SCFD2: variants seen among roughly 807,000 people sequenced by gnomAD.
The protein encoded by SCFD2 is sec1 family domain containing 2.
SCFD2 carries 54 observed loss-of-function variants against 58.9 expected under a neutral mutation model. The observed-to-expected ratio is 0.92, with a 90% CI of 0.74 to 1.15. The LOEUF (loss-of-function observed/expected upper bound fraction) is 1.15, where lower values mean the gene tolerates loss of function less well. SCFD2 is among the 50% of genes most tolerant of loss of function. SCFD2 has a pLI of 0.00. For synonymous variants in SCFD2, 321 were observed against 335.9 expected, an observed-to-expected ratio of 0.96 and a Z score of 0.49; for missense variants, 805 against 836.6, an observed-to-expected ratio of 0.96 and a Z score of 0.47.
chr4:52,978,013 C>T (rs886397211), intron 5 of SCFD2, among the ~76,000 whole-genome samples: 1 of 152,188 alleles, frequency 6.6e-6, no homozygotes, highest in African/African-American at 2.4e-5. Context: ...AACAGCTCCA[C>T]AGAACAGAGA....
At chr4:53,290,637 A>G (rs1731810039) in intron 3 of SCFD2, among the ~76,000 whole-genome samples, 1 of 152,042 alleles carries the variant, frequency 6.6e-6, no homozygotes, top group South Asian at 2.1e-4. Flanking sequence ...TAAATACAGA[A>G]GAGAAAAACC....
At chr4:53,178,494 TC>T (rs1455722967) in intron 4 of SCFD2, among the ~76,000 whole-genome samples, 1 of 151,880 alleles carries the variant, frequency 6.6e-6, no homozygotes, top group Non-Finnish European at 1.5e-5. Flanking sequence ...CAAAAACCCA[TC>T]TGTACATCAC....
chr4:53,352,145 A>T (rs1734239571), intron 2 of SCFD2, among the ~76,000 whole-genome samples: 1 of 152,224 alleles, frequency 6.6e-6, no homozygotes, highest in Non-Finnish European at 1.5e-5. Context: ...TGTGAAAAAA[A>T]ATATACTTAG....
intron 2 of SCFD2, among the ~76,000 whole-genome samples, chr4:53,339,445 C>T (rs1733792392): frequency 6.6e-6 from 1 of 151,474 alleles, no homozygotes; most frequent in Non-Finnish European, 1.5e-5. Context: ...AGTGTAACTA[C>T]TGAAAAAACA....
chr4:52,963,490 T>C (rs1363981698), intron 5 of SCFD2, among the ~76,000 whole-genome samples: 1 of 152,218 alleles, frequency 6.6e-6, no homozygotes, highest in Admixed American at 6.5e-5. Flanking sequence ...AGAGTACCAA[T>C]GTCTGTAAAG....
intron 2 of SCFD2, among the ~76,000 whole-genome samples, chr4:53,330,728 C>T (rs1255410765): frequency 6.6e-6 from 1 of 151,952 alleles, no homozygotes; most frequent in Non-Finnish European, 1.5e-5. Flanking sequence ...ATGACAGGAT[C>T]AAATTCACAC....
intron 4 of SCFD2, among the ~76,000 whole-genome samples, chr4:53,230,482 T>C (rs1729399463): frequency 6.6e-6 from 1 of 152,012 alleles, no homozygotes; most frequent in Non-Finnish European, 1.5e-5. Flanking sequence ...GGGACATGGA[T>C]GAAGCTGGAA....
intron 3 of SCFD2, among the ~76,000 whole-genome samples, chr4:53,294,511 T>C (rs1454494004): frequency 2.0e-5 from 3 of 152,206 alleles, no homozygotes; most frequent in Non-Finnish European, 4.4e-5. Context: ...TAAATTTGTT[T>C]AAGTTATTTG....
chr4:53,197,660 T>A (rs372011035), intron 4 of SCFD2, among the ~76,000 whole-genome samples: 1 of 151,256 alleles, frequency 6.6e-6, no homozygotes, highest in Non-Finnish European at 1.5e-5. Context: ...GAACTATTTA[T>A]TGAATGTCAT....
chr4:52,912,597 A>C (rs1480960090), intron 6 of SCFD2, among the ~76,000 whole-genome samples: 1 of 152,208 alleles, frequency 6.6e-6, no homozygotes, highest in Non-Finnish European at 1.5e-5. Flanking sequence ...AGAGAGCACA[A>C]TTTGGTAAAG....
intron 4 of SCFD2, among the ~76,000 whole-genome samples, chr4:53,245,379 T>C (rs745978378): frequency 1.8e-4 from 27 of 152,186 alleles, no homozygotes; most frequent in South Asian, 8.3e-4. Flanking sequence ...GCAAACTGAA[T>C]CCAGAATTAC....
chr4:53,300,227 A>C (rs557092688), intron 3 of SCFD2, among the ~76,000 whole-genome samples: 39 of 152,300 alleles, frequency 2.6e-4, no homozygotes, highest in African/African-American at 9.4e-4. Flanking sequence ...AGACACACAC[A>C]GGCTCAAAAT....
At chr4:53,338,575 C>T (rs369104860) in intron 2 of SCFD2, among the ~76,000 whole-genome samples, 689 of 72,208 alleles carry the variant, frequency 9.5e-3, no homozygotes, top group East Asian at 0.013. Context: ...GTATATTTTT[C>T]TTTTTTTTTT....
chr4:53,300,195 A>C (rs1424209613), intron 3 of SCFD2, among the ~76,000 whole-genome samples: 1 of 152,194 alleles, frequency 6.6e-6, no homozygotes, highest in African/African-American at 2.4e-5. Context: ...TGCTGTATTC[A>C]GGAAACCCAT....
intron 4 of SCFD2, among the ~76,000 whole-genome samples, chr4:53,169,263 C>G (rs947006845): frequency 6.6e-6 from 1 of 152,050 alleles, no homozygotes; most frequent in Non-Finnish European, 1.5e-5. Flanking sequence ...ACTCGGGAGG[C>G]CGAGGCAAGA....
At chr4:53,105,653 C>T (rs1288143692) in intron 5 of SCFD2, among the ~76,000 whole-genome samples, 1 of 152,202 alleles carries the variant, frequency 6.6e-6, no homozygotes, top group Non-Finnish European at 1.5e-5. Context: ...CCTCTTTGGG[C>T]AGGGCATGTC....
At chr4:52,971,437 G>A (rs1228820329) in intron 5 of SCFD2, among the ~76,000 whole-genome samples, 1 of 152,190 alleles carries the variant, frequency 6.6e-6, no homozygotes, top group Non-Finnish European at 1.5e-5. Context: ...TCAAATGAAT[G>A]AAATGAAGCG....
intron 5 of SCFD2, among the ~76,000 whole-genome samples, chr4:53,139,916 C>G (rs7694770): frequency 0.88 from 131,247 of 148,872 alleles, 57,881 homozygotes; most frequent in Non-Finnish European, 0.92. Context: ...CCCCAACCCC[C>G]TGCTCTCTGA....
At chr4:53,003,323 A>G (rs938834164) in intron 5 of SCFD2, among the ~76,000 whole-genome samples, 8 of 152,240 alleles carry the variant, frequency 5.3e-5, no homozygotes, top group African/African-American at 1.9e-4. Flanking sequence ...GTGCTGTTCA[A>G]TACAGTAATC....
Sources: gnomAD v4.1 joint callset for allele counts (sites outside exome capture counted in the v4.1 genomes callset) on GRCh38, gnomAD v4.1.1 for gene constraint, MANE v1.5 for transcripts, NCBI Gene and HGNC (gene_info 2026-07-23, HGNC 2026-07-21) for gene names.